TCF12: variants seen among roughly 807,000 people sequenced by gnomAD.
TCF12 encodes DNA-binding protein HTF4.
A neutral mutation model predicts 86.0 loss-of-function variants in TCF12; 45 were observed. The observed-to-expected ratio is 0.52, with a 90% CI of 0.41 to 0.67. The LOEUF (loss-of-function observed/expected upper bound fraction) is 0.67. Among genes scored for constraint, TCF12 ranks in the 30% least tolerant of loss-of-function variants. TCF12 has a pLI of 0.00. For missense variants in TCF12, 881 were observed against 859.9 expected, an observed-to-expected ratio of 1.02 and a Z score of -0.31; for synonymous variants, 330 against 299.6, an observed-to-expected ratio of 1.10 and a Z score of -1.05.
chr15:57,143,304 G>A (rs1294236082), intron 5 of TCF12, among the ~76,000 whole-genome samples: 3 of 152,150 alleles, frequency 2.0e-5, no homozygotes, highest in African/African-American at 7.2e-5. Flanking sequence ...GATTCTGATG[G>A]TTCTGTCATG....
At chr15:57,110,810 G>C (rs1266374201) in intron 5 of TCF12, among the ~76,000 whole-genome samples, 1 of 152,152 alleles carries the variant, frequency 6.6e-6, no homozygotes, top group East Asian at 1.9e-4. Flanking sequence ...TGTTTGGTTA[G>C]AATGCCAACT....
intron 5 of TCF12, among the ~76,000 whole-genome samples, chr15:57,160,227 C>T (rs1334997492): frequency 1.3e-5 from 2 of 152,182 alleles, no homozygotes; most frequent in African/African-American, 4.8e-5. Context: ...CACAGTTCAG[C>T]ATGGCTGGAG....
At chr15:57,147,600 A>G (rs1567515219) in intron 5 of TCF12, among the ~76,000 whole-genome samples, 3 of 152,206 alleles carry the variant, frequency 2.0e-5, no homozygotes, top group Non-Finnish European at 2.9e-5. Context: ...TAAAAAACCT[A>G]TAAAGGTGCA....
chr15:57,075,806 C>T (rs1161887986), intron 4 of TCF12, among the ~76,000 whole-genome samples: 2 of 68,076 alleles, frequency 2.9e-5, no homozygotes, highest in African/African-American at 1.4e-4. Context: ...TTCTTTCTTT[C>T]TCTCTCTCTC....
intron 4 of TCF12, among the ~76,000 whole-genome samples, chr15:57,083,379 C>G (rs964782340): frequency 6.6e-6 from 1 of 151,746 alleles, no homozygotes; most frequent in Admixed American, 6.6e-5. Flanking sequence ...TTACTTGATG[C>G]GATTTTTGTA....
rs141311319 is a variant in TCF12, at chr15:56,949,605, A to G, written c.148+28507A>G. Among the ~76,000 whole-genome samples, 252 of 152,356 alleles carry G rather than the reference A, an allele frequency of 1.7e-3. 4 individuals carry two copies. Among genetic ancestry groups the G allele is most frequent in the Non-Finnish European group, 2.6e-3 (177 of 68,032 alleles). ...CCGGCTTTTGAAAAACTTGTTTAAA[A>G]GAGTTGAGCTGTAAGCTTTATTTAA... On this transcript the variant is annotated intron_variant, in intron 3 of 20. Transcript: ENST00000333725.
At chr15:57,266,041 C>T (rs1198909772) in intron 18 of TCF12, among the ~76,000 whole-genome samples, 1 of 151,908 alleles carries the variant, frequency 6.6e-6, no homozygotes, top group Non-Finnish European at 1.5e-5. Flanking sequence ...CAAATTATGG[C>T]CCATGGGCCT....
At chr15:57,229,057 G>A (rs1397766047) in intron 8 of TCF12, among the ~76,000 whole-genome samples, 1 of 151,868 alleles carries the variant, frequency 6.6e-6, no homozygotes, top group Admixed American at 6.6e-5. Flanking sequence ...GATTCACATT[G>A]TACTTTCTGG....
rs936898232 is a variant in TCF12, at chr15:57,289,247, A to G, written c.*3102A>G. 1.3e-5 allele frequency: 2 copies of G among 152,202 alleles called. No individual in the cohort carries two copies. The highest frequency in any genetic ancestry group is 2.9e-5 in the Non-Finnish European group (2 of 68,034). 9.4% of individuals were successfully genotyped at this position (152,202 alleles called of 1,614,324 possible). A position where few individuals can be genotyped will look rare whatever the true frequency, so the allele number is the denominator to read the frequency against. On this transcript the variant is annotated 3_prime_UTR_variant, in exon 21 of 21. Coordinates refer to ENST00000333725, the MANE Select transcript of TCF12 (RefSeq NM_207037.2). ...TTGTGGGATTTAGTGAAAACTATTA[A>G]ACTTGTTAAGTTGATTTTATACAAA...
chr15:57,279,235 A>G (rs1016676053), intron 19 of TCF12, among the ~76,000 whole-genome samples: 1 of 152,114 alleles, frequency 6.6e-6, no homozygotes, highest in South Asian at 2.1e-4. Flanking sequence ...CTCAGCAGCT[A>G]TCTCCATATA....
intron 3 of TCF12, among the ~76,000 whole-genome samples, chr15:57,062,158 G>T (rs1006854828): frequency 1.3e-5 from 2 of 151,944 alleles, no homozygotes; most frequent in Non-Finnish European, 2.9e-5. Flanking sequence ...GGGTTTCTCC[G>T]TATTAGCCAG....
intron 4 of TCF12, chr15:57,072,755 C>A: frequency 8.0e-7 from 1 of 1,247,056 alleles, no homozygotes; most frequent in South Asian, 1.4e-5. Context: ...TCCCATTAAT[C>A]TCTGTTTTGT....
rs139033333 is a variant in TCF12, at chr15:57,243,507, G to A, written c.1071G>A (p.Pro357=). Residue 357 remains proline (P), a synonymous_variant, in exon 13 of 21, where the codon CCG becomes CCA. Transcript: ENST00000333725. ...YSPDHTSSSF[P]SNPSTPVGSP... ...CTGACCATACCAGCAGTAGTTTTCC[G>A]TCAAATCCATCAACACCAGTTGGAT... The A allele has an allele frequency of 3.1e-4, 493 of 1,613,828 alleles. 2 individuals carry two copies. In the African/African-American group the frequency reaches 5.1e-3, roughly 17 times the overall value.
intron 18 of TCF12, among the ~76,000 whole-genome samples, chr15:57,263,722 T>A (rs1442524409): frequency 6.6e-6 from 1 of 152,222 alleles, no homozygotes; most frequent in African/African-American, 2.4e-5. Context: ...TACAGTATAC[T>A]TTCACAAACC....
chr15:57,103,372 T>A (rs1249066056), intron 5 of TCF12, among the ~76,000 whole-genome samples: 6 of 152,362 alleles, frequency 3.9e-5, no homozygotes, highest in Admixed American at 3.9e-4. Flanking sequence ...AACTTAAGGC[T>A]GTCTTCTGTC....
intron 5 of TCF12, among the ~76,000 whole-genome samples, chr15:57,128,822 G>A (rs1242285721): frequency 2.0e-5 from 3 of 152,008 alleles, no homozygotes; most frequent in East Asian, 1.9e-4. Context: ...TTTACTTAGC[G>A]TATTTTCAGG....
intron 3 of TCF12, among the ~76,000 whole-genome samples, chr15:56,995,459 C>T (rs1389952373): frequency 6.6e-6 from 1 of 151,464 alleles, no homozygotes; most frequent in Non-Finnish European, 1.5e-5. Flanking sequence ...GATGTTTTTC[C>T]ATTTATTTGT....
intron 3 of TCF12, among the ~76,000 whole-genome samples, chr15:56,952,129 C>T (rs1355476907): frequency 6.6e-6 from 1 of 151,854 alleles, no homozygotes; most frequent in Non-Finnish European, 1.5e-5. Flanking sequence ...AAGTGAATTC[C>T]TTTGCATGTT....
chr15:57,277,589 A>G (rs1281406416), intron 19 of TCF12, among the ~76,000 whole-genome samples: 3 of 147,812 alleles, frequency 2.0e-5, no homozygotes, highest in East Asian at 4.0e-4. Context: ...AGATTGTGCC[A>G]CTGCACTCCA....
Sources: gnomAD v4.1 joint callset for allele counts (sites outside exome capture counted in the v4.1 genomes callset) on GRCh38, gnomAD v4.1.1 for gene constraint, MANE v1.5 for transcripts, NCBI Gene and HGNC (gene_info 2026-07-23, HGNC 2026-07-21) for gene names.